ACTR3C: variants seen among roughly 807,000 people sequenced by gnomAD.
ACTR3C encodes actin related protein 3C, also known as actin-related protein 3C.
A neutral mutation model predicts 26.3 loss-of-function variants in ACTR3C; 18 were observed. The ratio of observed to expected loss-of-function variants is 0.68; its 90% CI spans 0.47 to 1.01. The LOEUF (loss-of-function observed/expected upper bound fraction) is 1.01, where lower values mean the gene tolerates loss of function less well. Among genes scored for constraint, ACTR3C ranks in the 50% least tolerant of loss-of-function variants. The pLI is 0.00. For synonymous variants in ACTR3C, 55 were observed against 94.5 expected (o/e 0.58, Z 2.42); for missense variants, 184 against 250.7 (o/e 0.73, Z 1.80).
the ACTR3C span, among the ~76,000 whole-genome samples, chr7:150,203,222 A>C: frequency 6.6e-6 from 1 of 152,356 alleles, no homozygotes; most frequent in Admixed American, 6.5e-5. Flanking sequence ...GTGTGTGGAC[A>C]CTGATGTTTG....
At chr7:149,909,046 T>C in the ACTR3C span, among the ~76,000 whole-genome samples, 1 of 151,760 alleles carries the variant, frequency 6.6e-6, no homozygotes, top group African/African-American at 2.4e-5. Context: ...CCTCCCAAAG[T>C]GCTGCGATTA....
At chr7:150,071,863 G>A in the ACTR3C span, among the ~76,000 whole-genome samples, 36 of 149,606 alleles carry the variant, frequency 2.4e-4, no homozygotes, top group African/African-American at 8.5e-4. Flanking sequence ...AGACGAGGGA[G>A]TTAACAAGGG....
At chr7:150,181,403 C>G in the ACTR3C span, among the ~76,000 whole-genome samples, 1 of 150,486 alleles carries the variant, frequency 6.6e-6, no homozygotes, top group Non-Finnish European at 1.5e-5. Flanking sequence ...GGCAACATAG[C>G]TAGAGCCCAT....
At chr7:150,126,611 C>A in the ACTR3C span, among the ~76,000 whole-genome samples, 2 of 152,204 alleles carry the variant, frequency 1.3e-5, no homozygotes, top group African/African-American at 4.8e-5. Context: ...TTACCTGAAA[C>A]ACCCCATCAA....
chr7:150,295,319 T>C lies in ACTR3C; in HGVS notation c.-23A>G, dbSNP rs1404717897. The C allele has an allele frequency of 6.2e-7, 1 of 1,614,026 alleles. No individual in the cohort carries two copies. Among genetic ancestry groups the C allele is most frequent in the Admixed American group, 1.7e-5 (1 of 60,026 alleles). On this transcript the variant is annotated 5_prime_UTR_variant, in exon 2 of 8. Coordinates refer to ENST00000683684, the MANE Select transcript of ACTR3C (RefSeq NM_001164458.2). Reference sequence around the variant, plus strand: ...CATAATTTCTGCAAGATACTCTCTGTTTTCTGGTGTATTGAGTGGAGGTTC... The same window carrying C: ...CATAATTTCTGCAAGATACTCTCTGCTTTCTGGTGTATTGAGTGGAGGTTC...
chr7:150,199,616 TAAAA>T, the ACTR3C span, among the ~76,000 whole-genome samples: 81 of 83,798 alleles, frequency 9.7e-4, no homozygotes, highest in African/African-American at 3.7e-3. Context: ...AAAATAAATT[TAAAA>T]AAAAAAAATA....
At chr7:150,162,816 T>C in the ACTR3C span, among the ~76,000 whole-genome samples, 3 of 152,206 alleles carry the variant, frequency 2.0e-5, no homozygotes, top group Non-Finnish European at 4.4e-5. Flanking sequence ...TACACTAAAA[T>C]TGATGAATGA....
the ACTR3C span, among the ~76,000 whole-genome samples, chr7:150,157,744 T>C: frequency 6.6e-6 from 1 of 152,242 alleles, no homozygotes; most frequent in African/African-American, 2.4e-5. Context: ...GTGTTACCAC[T>C]GAGCATTCAC....
At chr7:149,935,949 G>T in the ACTR3C span, among the ~76,000 whole-genome samples, 2 of 152,140 alleles carry the variant, frequency 1.3e-5, no homozygotes. Flanking sequence ...TTTAATTTGG[G>T]AATTGTAGGC....
At chr7:150,134,200 G>A in the ACTR3C span, among the ~76,000 whole-genome samples, 2 of 137,552 alleles carry the variant, frequency 1.5e-5, no homozygotes, top group Non-Finnish European at 1.6e-5. Context: ...AAAAATTAAA[G>A]TATAATTTTT....
the ACTR3C span, among the ~76,000 whole-genome samples, chr7:150,050,545 G>A: frequency 6.6e-6 from 1 of 152,194 alleles, no homozygotes; most frequent in Admixed American, 6.5e-5. Context: ...AGGGGAAAGA[G>A]TTGAAATAAA....
At chr7:149,975,453 G>C in the ACTR3C span, among the ~76,000 whole-genome samples, 1 of 151,872 alleles carries the variant, frequency 6.6e-6, no homozygotes, top group South Asian at 2.1e-4. Flanking sequence ...TAAGAAAGAA[G>C]AAAGATCTTG....
At chr7:150,153,894 TA>T in the ACTR3C span, among the ~76,000 whole-genome samples, 1 of 141,616 alleles carries the variant, frequency 7.1e-6, no homozygotes, top group Non-Finnish European at 1.5e-5. Flanking sequence ...TATGCAGCCA[TA>T]AAAAATGATG....
At chr7:150,134,528 A>C in the ACTR3C span, among the ~76,000 whole-genome samples, 3 of 152,220 alleles carry the variant, frequency 2.0e-5, no homozygotes, top group Non-Finnish European at 2.9e-5. Flanking sequence ...CACGTGCCCA[A>C]ACACACAAAG....
chr7:150,262,996 T>A (rs1833759922), intron 6 of ACTR3C, among the ~76,000 whole-genome samples: 3 of 152,218 alleles, frequency 2.0e-5, no homozygotes, highest in Non-Finnish European at 4.4e-5. Context: ...CAAAGAAGAC[T>A]TCCTAGCGGG....
the ACTR3C span, among the ~76,000 whole-genome samples, chr7:150,080,727 C>T: frequency 1.3e-5 from 2 of 152,032 alleles, no homozygotes; most frequent in African/African-American, 4.8e-5. Context: ...CCTGCAGACA[C>T]CAAAGTGAAT....
intron 6 of ACTR3C, among the ~76,000 whole-genome samples, chr7:150,272,691 T>G (rs1308687430): frequency 9.5e-6 from 1 of 105,806 alleles, no homozygotes; most frequent in Admixed American, 8.3e-5. Context: ...GTTTTTTTGG[T>G]TTTTTTTTTT....
the ACTR3C span, among the ~76,000 whole-genome samples, chr7:150,147,502 G>A: frequency 2.6e-5 from 4 of 152,112 alleles, no homozygotes; most frequent in African/African-American, 7.2e-5. Context: ...ATTTTTACAT[G>A]TACAGTTCAG....
the ACTR3C span, among the ~76,000 whole-genome samples, chr7:150,019,499 G>A: frequency 7.1e-6 from 1 of 140,544 alleles, no homozygotes. Context: ...GGCTGAGGCA[G>A]GAGAATTGCT....
Sources: gnomAD v4.1 joint callset for allele counts (sites outside exome capture counted in the v4.1 genomes callset) on GRCh38, gnomAD v4.1.1 for gene constraint, MANE v1.5 for transcripts, NCBI Gene and HGNC (gene_info 2026-07-23, HGNC 2026-07-21) for gene names.